The following ADGRG1 variants were observed in gnomAD, a reference collection of about 807,000 sequenced individuals.
ADGRG1 encodes the protein 7-transmembrane protein with no EGF-like N-terminal domains-1.
ADGRG1 carries 53 observed loss-of-function variants against 73.5 expected under a neutral mutation model. The ratio of observed to expected loss-of-function variants is 0.72; its 90% CI spans 0.58 to 0.91. The LOEUF is 0.91. Ranked by LOEUF, ADGRG1 falls within the 40% of genes least tolerant of loss-of-function variation. The probability of loss-of-function intolerance (pLI) is 0.00; values close to 1 mark genes in which losing one functional copy is unlikely to be tolerated. For missense variants in ADGRG1, 795 were observed against 871.8 expected (o/e 0.91, Z 1.11); for synonymous variants, 394 against 374.4 (o/e 1.05, Z -0.60).
upstream of ADGRG1, chr16:57,623,793 A>G (rs930872828): frequency 2.5e-5 from 25 of 985,380 alleles, no homozygotes; most frequent in East Asian, 2.2e-3. Flanking sequence ...TCATGGGACT[A>G]TGGGTACCCC....
At position 57,651,504 on chromosome 16, in the gene ADGRG1, G is replaced by T. The variant is rs1243496817; in HGVS notation, c.369G>T (p.Gln123His). ...SDKASSLLCF[Q>H]HQEESLAQGP... ...AAGCCTCTAGCCTCCTCTGCTTCCA[G>T]CACCAGGAGGAGAGCCTGGCTCAGG... Residue 123 changes from glutamine to histidine, a missense_variant, in exon 3 of 14, where the codon CAG becomes CAT. By Grantham distance (24) the Gln-to-His change is conservative. Coordinates refer to ENST00000562631, the MANE Select transcript of ADGRG1 (RefSeq NM_201525.4). The T allele has an allele frequency of 4.3e-6, 7 of 1,614,112 alleles. No individual in the cohort carries two copies. The Admixed American group carries it at 6.7e-5, about 15-fold the overall frequency.
intron 1 of ADGRG1, chr16:57,635,416 G>A (rs1164616838): frequency 2.0e-6 from 2 of 985,278 alleles, no homozygotes; most frequent in African/African-American, 1.7e-5. Flanking sequence ...GAGGTGGTGG[G>A]AGCTGGGACC....
chr16:57,631,932 A>G, intron 1 of ADGRG1: 7 of 974,650 alleles, frequency 7.2e-6, no homozygotes, highest in Non-Finnish European at 8.5e-6. Flanking sequence ...AGGGACACAC[A>G]TTTTCTGACC....
At chr16:57,660,148 C>G (rs2046732906) in intron 11 of ADGRG1, 1 of 540,722 alleles carries the variant, frequency 1.8e-6, no homozygotes, top group Non-Finnish European at 2.4e-6. Context: ...GGCCAGCCCT[C>G]TTATGTCAGA....
At chr16:57,640,115 A>G (rs1406572026) in intron 1 of ADGRG1, 5 of 152,856 alleles carry the variant, frequency 3.3e-5, no homozygotes, top group African/African-American at 1.2e-4. Context: ...AAGAGCCACC[A>G]GTGGGGCTGG....
upstream of ADGRG1, chr16:57,624,138 A>G (rs1303322301): frequency 1.1e-6 from 1 of 939,446 alleles, no homozygotes; most frequent in African/African-American, 1.8e-5. Flanking sequence ...ATTGTGCTCA[A>G]TGATTTATAT....
upstream of ADGRG1, chr16:57,622,775 G>A (rs900716487): frequency 1.5e-5 from 15 of 985,208 alleles, no homozygotes; most frequent in South Asian, 4.7e-5. Context: ...AAGACGGGGC[G>A]GCCACACTGT....
intron 13 of ADGRG1, 150 bp from the exon 14 acceptor site, chr16:57,663,302 C>A: frequency 6.6e-7 from 1 of 1,517,358 alleles, no homozygotes; most frequent in Middle Eastern, 2.3e-4. Flanking sequence ...ATAGGAGGTG[C>A]TCGCTGGGTC....
intron 1 of ADGRG1, chr16:57,643,888 T>A: frequency 1.3e-6 from 1 of 756,546 alleles, no homozygotes; most frequent in Non-Finnish European, 1.5e-6. Flanking sequence ...TGGGTGCGGC[T>A]GAGGGGTGGG....
chr16:57,661,465 G>C, intron 12 of ADGRG1: 2 of 984,084 alleles, frequency 2.0e-6, no homozygotes, highest in Non-Finnish European at 2.4e-6. Context: ...GTGACCCAGT[G>C]ATTTCTGCCT....
chr16:57,627,035 C>T, upstream of ADGRG1: 1 of 983,958 alleles, frequency 1.0e-6, no homozygotes. Context: ...TATTGGCCCA[C>T]AGCCTGGACT....
At chr16:57,628,895 T>TGTGTGAGAGTGAGTGTGAGA (rs2036584417) in intron 1 of ADGRG1, 93 bp downstream of exon 1, 1 of 839,320 alleles carries the variant, frequency 1.2e-6, no homozygotes, top group African/African-American at 2.2e-5. Flanking sequence ...AGAGTGTGAG[T>TGTGTGAGAGTGAGTGTGAGA]GTGTGAGTGT....
chr16:57,628,893 A>G (rs796926852), intron 1 of ADGRG1, 91 bp downstream of exon 1: 1 of 813,586 alleles, frequency 1.2e-6, no homozygotes, highest in Non-Finnish European at 1.4e-6. Flanking sequence ...TGAGAGTGTG[A>G]GTGTGTGAGT....
At chr16:57,644,876 G>A (rs548254490) in intron 1 of ADGRG1, among the ~76,000 whole-genome samples, 10 of 139,106 alleles carry the variant, frequency 7.2e-5, no homozygotes, top group African/African-American at 2.5e-4. Flanking sequence ...ACACACACAT[G>A]TACACTCATG....
chr16:57,632,003 C>A (rs2147326165), intron 1 of ADGRG1: 1 of 985,502 alleles, frequency 1.0e-6, no homozygotes, highest in East Asian at 1.1e-4. Context: ...CTCCCTGGTT[C>A]CCTGATGGCT....
At chr16:57,633,963 A>C (rs1284423987) in intron 1 of ADGRG1, 1 of 455,542 alleles carries the variant, frequency 2.2e-6, no homozygotes, top group Non-Finnish European at 2.9e-6. Flanking sequence ...GACCTGACCC[A>C]GGTTTTGGAG....
At position 57,663,696 on chromosome 16, in the gene ADGRG1, C is replaced by A. The variant is rs2047821664; in HGVS notation, c.*114C>A. ...CCAGTCAGCCGCAGACTTTGGAAAG[C>A]CCAACGACCATGGAGAGATGGGCCG... On this transcript the variant is annotated 3_prime_UTR_variant, in exon 14 of 14. Coordinates refer to ENST00000562631, the MANE Select transcript of ADGRG1 (RefSeq NM_201525.4). The A allele has an allele frequency of 8.1e-7, 1 of 1,237,790 alleles. No individual in the cohort carries two copies. 76.7% of individuals were successfully genotyped at this position (1,237,790 alleles called of 1,614,324 possible).
chr16:57,645,328 C>T, intron 1 of ADGRG1: 1 of 985,366 alleles, frequency 1.0e-6, no homozygotes, highest in Non-Finnish European at 1.2e-6. Context: ...TGGAGATTGC[C>T]TCCGGGGCTC....
intron 1 of ADGRG1, chr16:57,639,556 C>T (rs1383784136): frequency 8.1e-6 from 8 of 985,152 alleles, no homozygotes; most frequent in Non-Finnish European, 9.6e-6. Flanking sequence ...AAAAGGTGGT[C>T]GGGGGACATT....
Sources: gnomAD v4.1 joint callset for allele counts (sites outside exome capture counted in the v4.1 genomes callset) on GRCh38, gnomAD v4.1.1 for gene constraint, MANE v1.5 for transcripts, NCBI Gene and HGNC (gene_info 2026-07-23, HGNC 2026-07-21) for gene names.